The following FSHR variants were observed in gnomAD, a reference collection of about 807,000 sequenced individuals.
FSHR encodes follicle stimulating hormone receptor, also known as follicle-stimulating hormone receptor.
A neutral mutation model predicts 52.1 loss-of-function variants in FSHR; 46 were observed. That is an observed-to-expected ratio of 0.88 (90% CI 0.70 to 1.13). FSHR has a LOEUF of 1.13. Ranked by LOEUF, FSHR falls within the 50% of genes most tolerant of loss-of-function variation. FSHR has a pLI of 0.00. For synonymous variants in FSHR, 399 were observed against 309.6 expected (o/e 1.29, Z -3.03); for missense variants, 964 against 834.6 (o/e 1.16, Z -1.91).
chr2:49,133,820 A>G (rs1171930495), intron 1 of FSHR, among the ~76,000 whole-genome samples: 1 of 152,248 alleles, frequency 6.6e-6, no homozygotes, highest in African/African-American at 2.4e-5. Flanking sequence ...CAATGGGGAA[A>G]GGATTCCCTA....
At chr2:49,046,475 G>C (rs6716567) in intron 2 of FSHR, among the ~76,000 whole-genome samples, 78,753 of 151,970 alleles carry the variant, frequency 0.52, 20,582 homozygotes, top group Non-Finnish European at 0.55. Flanking sequence ...TGGCTTCAAC[G>C]TTCTCACTAT....
At chr2:49,124,541 C>A (rs1004086755) in intron 1 of FSHR, among the ~76,000 whole-genome samples, 2 of 152,090 alleles carry the variant, frequency 1.3e-5, no homozygotes, top group Non-Finnish European at 2.9e-5. Context: ...ACCTGGGAAA[C>A]TGTAGCTCCA....
chr2:49,089,503 G>A (rs1179124091), intron 1 of FSHR, among the ~76,000 whole-genome samples: 4 of 152,046 alleles, frequency 2.6e-5, no homozygotes, highest in African/African-American at 9.7e-5. Context: ...AAATAGCATT[G>A]GCCAACAGAA....
intron 2 of FSHR, among the ~76,000 whole-genome samples, chr2:49,046,931 G>C (rs1668682901): frequency 6.6e-6 from 1 of 152,162 alleles, no homozygotes; most frequent in Admixed American, 6.6e-5. Flanking sequence ...AGGGACTGAT[G>C]GAAGTCACAG....
intron 3 of FSHR, among the ~76,000 whole-genome samples, chr2:49,018,539 T>G (rs1351622795): frequency 6.6e-6 from 1 of 152,192 alleles, no homozygotes; most frequent in South Asian, 2.1e-4. Context: ...ACCACTACCT[T>G]CACTGTCCAT....
At chr2:49,091,111 T>G (rs1670591253) in intron 1 of FSHR, among the ~76,000 whole-genome samples, 1 of 149,684 alleles carries the variant, frequency 6.7e-6, no homozygotes, top group Non-Finnish European at 1.5e-5. Flanking sequence ...AAGTTTTACA[T>G]TTCGATGAAG....
At chr2:49,019,990 G>T in intron 3 of FSHR, 96 bp downstream of exon 3, 1 of 1,010,674 alleles carries the variant, frequency 9.9e-7, no homozygotes, top group Non-Finnish European at 1.6e-6. Context: ...AGGGATCTGA[G>T]GCCATGGCAG....
intron 1 of FSHR, among the ~76,000 whole-genome samples, chr2:49,123,239 A>T (rs964868608): frequency 6.6e-6 from 1 of 152,120 alleles, no homozygotes; most frequent in Non-Finnish European, 1.5e-5. Flanking sequence ...GGTGGTTCAC[A>T]TCTATAATCC....
At chr2:49,090,447 T>A (rs1018207984) in intron 1 of FSHR, among the ~76,000 whole-genome samples, 4 of 152,190 alleles carry the variant, frequency 2.6e-5, no homozygotes, top group Non-Finnish European at 5.9e-5. Flanking sequence ...CAATAAGTAG[T>A]TTGTTCCTTT....
At chr2:48,983,305 A>C (rs964189374) in intron 6 of FSHR, 139 bp from the exon 7 acceptor site, 6 of 745,204 alleles carry the variant, frequency 8.1e-6, no homozygotes, top group Non-Finnish European at 1.4e-5. Flanking sequence ...GCTTGGGGAC[A>C]CGGGTGGGAG....
At position 48,962,773 on chromosome 2, in the gene FSHR, G is replaced by C; in HGVS notation, c.2048C>G (p.Thr683Ser). The change falls in exon 10 of 10, where the codon ACT (threonine) becomes AGT (serine). Residue 683 changes from threonine (T) to serine (S), a missense_variant. Coordinates refer to ENST00000406846, the MANE Select transcript of FSHR (RefSeq NM_000145.4). ...ATGACTTAGAGGGACAAGTATGTAAGTGGAACCACTGGTGACTCTGGGAGC... is the reference window on the plus strand; with the variant it reads ...ATGACTTAGAGGGACAAGTATGTAACTGGAACCACTGGTGACTCTGGGAGC... The part of the protein sequence containing the change: ...SSAPRVTSGS[T>S]YILVPLSHLA... 1 of 1,614,090 alleles carries C rather than the reference G, an allele frequency of 6.2e-7. No individual in the cohort carries two copies.
rs545599942 is a variant in FSHR, at chr2:48,971,541, T to G, written c.669-2658A>C. On this transcript the variant is annotated intron_variant, in intron 8 of 9. Coordinates refer to ENST00000406846, the MANE Select transcript of FSHR (RefSeq NM_000145.4). ...TTGATGTTCAGGAAGATTTACATTT[T>G]CAGAACAATTACCTTTGTTAGGTGT... Among the ~76,000 whole-genome samples, 8 of 152,294 alleles carry G rather than the reference T, an allele frequency of 5.3e-5. No individual in the cohort carries two copies. In the South Asian group the frequency reaches 1.5e-3, roughly 28 times the overall value.
chr2:49,030,271 A>AGTGTGTGTGTGTGTGTGT (rs141079184), intron 2 of FSHR, among the ~76,000 whole-genome samples: 1 of 140,374 alleles, frequency 7.1e-6, no homozygotes, highest in Non-Finnish European at 1.6e-5. Context: ...AGGAATAGCA[A>AGTGTGTGTGTGTGTGTGT]GTGTGTGTGT....
intron 1 of FSHR, among the ~76,000 whole-genome samples, chr2:49,120,738 G>C (rs1444169636): frequency 1.3e-5 from 2 of 152,172 alleles, no homozygotes; most frequent in Admixed American, 1.3e-4. Flanking sequence ...TCTCTTCCAG[G>C]AAAAGAGGCT....
At chr2:49,087,710 G>A (rs1359796776) in intron 1 of FSHR, among the ~76,000 whole-genome samples, 2 of 152,208 alleles carry the variant, frequency 1.3e-5, no homozygotes, top group Non-Finnish European at 2.9e-5. Flanking sequence ...TGGATGGATG[G>A]AGACAGAGGG....
intron 4 of FSHR, among the ~76,000 whole-genome samples, chr2:49,015,509 C>A (rs72827257): frequency 1.3e-5 from 2 of 152,088 alleles, no homozygotes; most frequent in African/African-American, 4.8e-5. Flanking sequence ...AAGCCATGTG[C>A]GTCTCTCAGA....
chr2:49,047,965 G>A (rs1668719058), intron 2 of FSHR, among the ~76,000 whole-genome samples: 2 of 152,054 alleles, frequency 1.3e-5, no homozygotes, highest in African/African-American at 4.8e-5. Context: ...GGCAAACTCC[G>A]CCTCCCAGGT....
intron 4 of FSHR, among the ~76,000 whole-genome samples, chr2:49,007,346 A>G (rs1392518130): frequency 6.6e-6 from 1 of 152,256 alleles, no homozygotes; most frequent in Non-Finnish European, 1.5e-5. Context: ...TACTGTGTGG[A>G]TTGTTGAGGT....
intron 2 of FSHR, among the ~76,000 whole-genome samples, chr2:49,057,426 T>A (rs1406020816): frequency 6.6e-6 from 1 of 151,766 alleles, no homozygotes; most frequent in East Asian, 1.9e-4. Flanking sequence ...ACCAATAAAT[T>A]TGAAAACCTG....
Sources: allele counts gnomAD v4.1 joint callset (sites outside exome capture counted in the v4.1 genomes callset), GRCh38; gene constraint gnomAD v4.1.1; transcripts MANE v1.5; gene names NCBI Gene and HGNC (gene_info 2026-07-23, HGNC 2026-07-21).